COX6B2: variants seen among roughly 807,000 people sequenced by gnomAD.
The protein encoded by COX6B2 is cytochrome c oxidase subunit 6B2.
COX6B2 carries 12 observed loss-of-function variants against 13.7 expected under a neutral mutation model. The observed-to-expected ratio is 0.87, with a 90% confidence interval of 0.56 to 1.41. The LOEUF is 1.41. COX6B2 is among the 40% of genes most tolerant of loss of function. The probability of loss-of-function intolerance (pLI) is 0.00; values close to 1 mark genes in which losing one functional copy is unlikely to be tolerated. For synonymous variants in COX6B2, 56 were observed against 46.6 expected, an observed-to-expected ratio of 1.20 and a Z score of -0.82; for missense variants, 130 against 118.3, an observed-to-expected ratio of 1.10 and a Z score of -0.46.
At position 55,350,628 on chromosome 19, in the gene COX6B2, C is replaced by G. The variant is rs560667619; in HGVS notation, c.*287G>C. ...GCTGGCACTTCCCAGCTGGCAGGAC[C>G]TGGGGGACATCCTGGTGGAGCAGGG... On this transcript the variant is annotated 3_prime_UTR_variant, in exon 5 of 5. Transcript: ENST00000326529. This position sits in a 1 kb window ranked among gnomAD's most constrained non-coding sequence, Gnocchi z 4.2. The G allele has an allele frequency of 6.6e-6, 1 of 152,508 alleles. No individual in the cohort carries two copies. Among genetic ancestry groups the G allele is most frequent in the Admixed American group, 6.5e-5 (1 of 15,300 alleles). 9.4% of individuals were successfully genotyped at this position (152,508 alleles called of 1,614,324 possible).
At position 55,351,502 on chromosome 19, in the gene COX6B2, G is replaced by A. The variant is rs972360085; in HGVS notation, c.*115-702C>T. ...TCCGTGGTCTGGAGGCCGGGAGGAC[G>A]GAGCAGGTTCTGAGGGAAGAACCGC... is the stretch of plus-strand genomic sequence containing the variant. On this transcript the variant is annotated intron_variant, in intron 4 of 4. Transcript: ENST00000326529. 1.3e-4 allele frequency among the ~76,000 whole-genome samples: 20 copies of A among 152,206 alleles called. No individual in the cohort carries two copies. In the East Asian group the frequency reaches 3.3e-3, roughly 25 times the overall value.
chr19:55,353,449 C>T lies in COX6B2; in HGVS notation c.*114+158G>A, dbSNP rs2089683399. 18 of 560,706 alleles carry T rather than the reference C, an allele frequency of 3.2e-5. No individual in the cohort carries two copies. The East Asian group carries it at 5.5e-4, about 17-fold the overall frequency. The allele number at this position is 560,706 out of a possible 1,614,324, so 34.7% of individuals were successfully genotyped here. On this transcript the variant is annotated intron_variant, in intron 4 of 4. Transcript: ENST00000326529. Reference sequence around the variant, plus strand: ...GGCATTCGGCTTCCTGTCTTAGGGCCTTGACTGCCTGCTGCTACCTGATGG... The same window carrying T: ...GGCATTCGGCTTCCTGTCTTAGGGCTTTGACTGCCTGCTGCTACCTGATGG...
In COX6B2 at chr19:55,353,976, G is replaced by C; in HGVS notation, c.113-10C>G. On this transcript the variant is annotated splice_polypyrimidine_tract_variant and intron_variant, in intron 2 of 4. Coordinates refer to ENST00000326529, the MANE Select transcript of COX6B2 (RefSeq NM_144613.5). ...AGGCAGCGGTGGTAGTCTGTGGCGGGCGGGGGTCACGCGGCAAGCCACGCC... is the reference window on the plus strand; with the variant it reads ...AGGCAGCGGTGGTAGTCTGTGGCGGCCGGGGGTCACGCGGCAAGCCACGCC... The C allele has an allele frequency of 6.5e-7, 1 of 1,539,394 alleles. No individual in the cohort carries two copies. Among genetic ancestry groups the C allele is most frequent in the South Asian group, 1.2e-5 (1 of 84,070 alleles).
At position 55,354,449 on chromosome 19, in the gene COX6B2, TG is replaced by T; in HGVS notation, c.72del (p.Ser25AlafsTer102). On this transcript the variant is annotated frameshift_variant, in exon 2 of 5. Transcript: ENST00000326529. LOFTEE classifies it high-confidence loss of function. The part of the protein sequence containing the change: ...WSTPPFDPRF[P>X]SQNQIRNCYQ... ...TAGCAGTTACGGATCTGGTTCTGGC[TG>T]GGGAAGCGCGGGTCGAAGGGCGGCG... is the stretch of plus-strand genomic sequence containing the variant. 6.2e-7 allele frequency: 1 copy of T among 1,614,030 alleles called. No individual in the cohort carries two copies. The highest frequency in any genetic ancestry group is 8.5e-7 in the Non-Finnish European group (1 of 1,179,966).
rs2089660299 is a variant in COX6B2 at position 55,350,135 on chromosome 19, A to C, written c.*780T>G. 6.6e-6 allele frequency: 1 copy of C among 152,088 alleles called. No homozygotes were observed. Among genetic ancestry groups the C allele is most frequent in the Admixed American group, 6.6e-5 (1 of 15,250 alleles). The allele number at this position is 152,088 out of a possible 1,614,324, so 9.4% of individuals were successfully genotyped here. A position where few individuals can be genotyped will look rare whatever the true frequency, so the allele number is the denominator to read the frequency against. On this transcript the variant is annotated 3_prime_UTR_variant, in exon 5 of 5. Transcript: ENST00000326529. This position sits in a 1 kb window ranked among gnomAD's most constrained non-coding sequence, Gnocchi z 4.2. ...GGAGCGAAACTCTGTCTCAAAAAAA[A>C]TAAAAATAAAAATAAAAATGGTGAG...
chr19:55,354,171 CGCCCCGCACCTTCACGACTCG>C (rs2089691308), intron 2 of COX6B2: 3 of 634,972 alleles, frequency 4.7e-6, no homozygotes, highest in East Asian at 2.7e-5. Flanking sequence ...CTACCTACCT[CGCCCCGCACCTTCACGACTCG>C]GCCCCGCACC....
chr19:55,354,345 G>C (rs2089693717), intron 2 of COX6B2, 65 bp downstream of exon 2: 1 of 1,295,928 alleles, frequency 7.7e-7, no homozygotes, highest in Non-Finnish European at 1.1e-6. Context: ...TAGGGTGGGA[G>C]TGCCCCTCCC....
At chr19:55,354,379 T>C in intron 2 of COX6B2, 31 bp downstream of exon 2, 1 of 1,531,912 alleles carries the variant, frequency 6.5e-7, no homozygotes, top group Non-Finnish European at 8.9e-7. Context: ...CACACCCTGC[T>C]CCTCCCATAA....
At chr19:55,354,226 C>A in intron 2 of COX6B2, 184 bp downstream of exon 2, 1 of 650,850 alleles carries the variant, frequency 1.5e-6, no homozygotes, top group Admixed American at 2.5e-5. Context: ...CTCGCCCCTA[C>A]CAACCTCGCC....
chr19:55,353,776 TG>T lies in COX6B2; in HGVS notation c.214-3del. 2 of 1,608,356 alleles carry T rather than the reference TG, an allele frequency of 1.2e-6. No individual in the cohort carries two copies. Among genetic ancestry groups the T allele is most frequent in the South Asian group, 1.1e-5 (1 of 89,838 alleles). On this transcript the variant is annotated splice_polypyrimidine_tract_variant and splice_region_variant and intron_variant, in intron 3 of 4. Transcript: ENST00000326529. Reference sequence around the variant, plus strand: ...GATCTGCTCGTTCCAGCTCTCCACCTGGGAAGCAGAAAGGCAGGGAGCGGGA... The same window carrying T: ...GATCTGCTCGTTCCAGCTCTCCACCTGGAAGCAGAAAGGCAGGGAGCGGGA...
rs919394325 is a variant in COX6B2, at chr19:55,353,983, T to G, written c.113-17A>C. 6.5e-7 allele frequency: 1 copy of G among 1,533,122 alleles called. No homozygotes were observed. The highest frequency in any genetic ancestry group is 8.7e-7 in the Non-Finnish European group (1 of 1,144,808). 95.0% of individuals were successfully genotyped at this position (1,533,122 alleles called of 1,614,324 possible). ...GGTGGTAGTCTGTGGCGGGCGGGGG[T>G]CACGCGGCAAGCCACGCCCATTCCA... On this transcript the variant is annotated splice_polypyrimidine_tract_variant and intron_variant, in intron 2 of 4. Coordinates refer to ENST00000326529, the MANE Select transcript of COX6B2 (RefSeq NM_144613.5).
rs983708538 is a variant in COX6B2, at chr19:55,353,957, C to T, written c.122G>A (p.Arg41His). 2.6e-6 allele frequency: 4 copies of T among 1,549,754 alleles called. No individual in the cohort carries two copies. The highest frequency in any genetic ancestry group is 1.9e-5 in the Admixed American group (1 of 51,858). The stretch of plus-strand genomic sequence containing the variant: ...GCGGCGGGTCCTGGTCTTGAGGCAG[C>T]GGTGGTAGTCTGTGGCGGGCGGGGG... ...NCYQNFLDYH[R>H]CLKTRTRRGK... Residue 41 changes from arginine to histidine, a missense_variant, in exon 3 of 5, where the codon CGC becomes CAC. Arg to His is a conservative substitution (Grantham distance 29, BLOSUM62 0). Coordinates refer to ENST00000326529, the MANE Select transcript of COX6B2 (RefSeq NM_144613.5).
At chr19:55,354,576 G>T in intron 1 of COX6B2, 37 bp from the exon 2 acceptor site, 1 of 1,334,586 alleles carries the variant, frequency 7.5e-7, no homozygotes, top group Non-Finnish European at 1.1e-6. Context: ...CCGTGGGGCC[G>T]AGGGGGCGCC....
intron 4 of COX6B2, among the ~76,000 whole-genome samples, chr19:55,351,007 G>A (rs1056979544): frequency 2.0e-5 from 3 of 152,184 alleles, no homozygotes; most frequent in Admixed American, 6.5e-5. Flanking sequence ...AAGAGCTCCA[G>A]GACTGGTTTA....
At position 55,350,674 on chromosome 19, in the gene COX6B2, C is replaced by T. The variant is rs1047397445; in HGVS notation, c.*241G>A. The T allele has an allele frequency of 3.9e-5, 6 of 152,292 alleles. No individual in the cohort carries two copies. Among genetic ancestry groups the T allele is most frequent in the Middle Eastern group, 3.2e-3 (1 of 316 alleles). 9.4% of individuals were successfully genotyped at this position (152,292 alleles called of 1,614,324 possible). ...CAGGGGCCTGGGGTCATGAGTTCAC[C>T]AAGGTAGCTCAAGGACAGGAAGAAA... is the stretch of plus-strand genomic sequence containing the variant. On this transcript the variant is annotated 3_prime_UTR_variant, in exon 5 of 5. Coordinates refer to ENST00000326529, the MANE Select transcript of COX6B2 (RefSeq NM_144613.5). The surrounding 1 kb of genome is among the most constrained non-coding windows in gnomAD (Gnocchi z 4.2).
rs755216897 is a variant in COX6B2, at chr19:55,352,903, G to A, written c.*114+704C>T. The A allele has an allele frequency of 1.3e-5, 2 of 152,662 alleles. No homozygotes were observed. The highest frequency in any genetic ancestry group is 2.9e-5 in the Non-Finnish European group (2 of 68,272). 9.5% of individuals were successfully genotyped at this position (152,662 alleles called of 1,614,324 possible). A position where few individuals can be genotyped will look rare whatever the true frequency, so the allele number is the denominator to read the frequency against. ...GAGAAATTGCGGCGATGTGTGCGGT[G>A]GGAGAGACTGACAGCGGCCTCTGCG... On this transcript the variant is annotated intron_variant, in intron 4 of 4. Transcript: ENST00000326529. This position sits in a 1 kb window ranked among gnomAD's most constrained non-coding sequence, Gnocchi z 6.2.
rs1236680136 is a variant in COX6B2, at chr19:55,352,087, G to A, written c.*115-1287C>T. 2.0e-5 allele frequency: 3 copies of A among 152,294 alleles called. No homozygotes were observed. The highest frequency in any genetic ancestry group is 7.2e-5 in the African/African-American group (3 of 41,398). 9.4% of individuals were successfully genotyped at this position (152,294 alleles called of 1,614,324 possible). Reference sequence around the variant, plus strand: ...CCTGTGCTTGGGATGTTACCTGGGTGACCTCACCAACTTAGCTCCATTCTG... The same window carrying A: ...CCTGTGCTTGGGATGTTACCTGGGTAACCTCACCAACTTAGCTCCATTCTG... On this transcript the variant is annotated intron_variant, in intron 4 of 4. Coordinates refer to ENST00000326529, the MANE Select transcript of COX6B2 (RefSeq NM_144613.5). The surrounding 1 kb of genome is among the most constrained non-coding windows in gnomAD (Gnocchi z 6.2).
At position 55,354,407 on chromosome 19, in the gene COX6B2, C is replaced by T. The variant is rs746728782; in HGVS notation, c.112+3G>A. ...TCCCATAACCTGGCTGAGCAGGTCT[C>T]ACCCAGGAAGTTCTGGTAGCAGTTA... On this transcript the variant is annotated splice_donor_region_variant and intron_variant, in intron 2 of 4. Coordinates refer to ENST00000326529, the MANE Select transcript of COX6B2 (RefSeq NM_144613.5). 2 of 1,609,202 alleles carry T rather than the reference C, an allele frequency of 1.2e-6. No homozygotes were observed. The highest frequency in any genetic ancestry group is 4.5e-5 in the East Asian group (2 of 44,834).
Position 55,353,974 on chromosome 19 carries a change from G to T in COX6B2, c.113-8C>A. ...TGAGGCAGCGGTGGTAGTCTGTGGC[G>T]GGCGGGGGTCACGCGGCAAGCCACG... On this transcript the variant is annotated splice_polypyrimidine_tract_variant and splice_region_variant and intron_variant, in intron 2 of 4. Transcript: ENST00000326529. The T allele has an allele frequency of 6.5e-7, 1 of 1,540,418 alleles. No individual in the cohort carries two copies. Among genetic ancestry groups the T allele is most frequent in the South Asian group, 1.2e-5 (1 of 84,112 alleles).
Sources: gnomAD v4.1 joint callset for allele counts (sites outside exome capture counted in the v4.1 genomes callset) on GRCh38, gnomAD v4.1.1 for gene constraint, Gnocchi (gnomAD v3.1) non-coding constraint, MANE v1.5 for transcripts, NCBI Gene and HGNC (gene_info 2026-07-23, HGNC 2026-07-21) for gene names.